The following MYT1L variants were observed in gnomAD, a reference collection of about 807,000 sequenced individuals.
MYT1L encodes the protein myelin transcription factor 1 like, also known as myelin transcription factor 1-like protein.
MYT1L carries 12 observed loss-of-function variants against 126.7 expected under a neutral mutation model. The ratio of observed to expected loss-of-function variants is 0.09; its 90% CI spans 0.06 to 0.15. The LOEUF (loss-of-function observed/expected upper bound fraction) is 0.15. Ranked by LOEUF, MYT1L falls within the 10% of genes least tolerant of loss-of-function variation. The pLI is 1.00. For missense variants in MYT1L, 979 were observed against 1,585.2 expected, an observed-to-expected ratio of 0.62 and a Z score of 6.49; for synonymous variants, 541 against 604.2, an observed-to-expected ratio of 0.90 and a Z score of 1.53.
At chr2:2,314,089 C>G (rs1178285391) in intron 1 of MYT1L, among the ~76,000 whole-genome samples, 1 of 152,144 alleles carries the variant, frequency 6.6e-6, no homozygotes, top group Non-Finnish European at 1.5e-5. Flanking sequence ...GATCAAGTAA[C>G]TCTTTAATCA....
chr2:1,904,111 G>A (rs2050723715), intron 13 of MYT1L, among the ~76,000 whole-genome samples: 1 of 152,134 alleles, frequency 6.6e-6, no homozygotes, highest in Non-Finnish European at 1.5e-5. Context: ...CTTCATAACC[G>A]TCAGACAAGA....
chr2:2,286,749 G>A (rs2095526347), intron 1 of MYT1L, among the ~76,000 whole-genome samples: 1 of 152,132 alleles, frequency 6.6e-6, no homozygotes, highest in Admixed American at 6.5e-5. Flanking sequence ...TCTACCTAAA[G>A]CACCAGGCAT....
At chr2:1,941,942 A>G (rs1181987459) in intron 9 of MYT1L, among the ~76,000 whole-genome samples, 1 of 152,172 alleles carries the variant, frequency 6.6e-6, no homozygotes, top group Non-Finnish European at 1.5e-5. Context: ...TGAGATTAGC[A>G]ACAAGCAACT....
chr2:1,797,869 CCCCA>C lies in MYT1L; in HGVS notation c.3276+3823_3276+3826del, dbSNP rs879610745. On this transcript the variant is annotated intron_variant, in intron 23 of 24. Transcript: ENST00000647738. ...ATCCGGCACAGGCGCGGCGGTCTCC[CCCCA>C]TCCGGCACAGGCGCGGCGGTCTCCC... Among the ~76,000 whole-genome samples, 1,308 of 148,678 alleles carry C rather than the reference CCCCA, an allele frequency of 8.8e-3. 104 individuals carry two copies. Among genetic ancestry groups the C allele is most frequent in the South Asian group, 0.026 (121 of 4,668 alleles).
intron 4 of MYT1L, among the ~76,000 whole-genome samples, chr2:2,013,770 A>C (rs1325723561): frequency 6.6e-6 from 1 of 152,240 alleles, no homozygotes; most frequent in East Asian, 1.9e-4. Flanking sequence ...GGTGGGCTCC[A>C]AGAAGGGGGA....
intron 5 of MYT1L, among the ~76,000 whole-genome samples, chr2:1,981,584 T>C (rs2060613219): frequency 6.6e-6 from 1 of 152,192 alleles, no homozygotes; most frequent in African/African-American, 2.4e-5. Flanking sequence ...CATCAGACGG[T>C]GCAGACGACG....
chr2:2,270,270 G>A (rs146547131), intron 2 of MYT1L, among the ~76,000 whole-genome samples: 70 of 152,320 alleles, frequency 4.6e-4, no homozygotes, highest in African/African-American at 1.5e-3. Flanking sequence ...TGTTTAAGCC[G>A]TCTGGTAGTT....
At chr2:2,026,716 T>A (rs1360772710) in intron 4 of MYT1L, among the ~76,000 whole-genome samples, 2 of 152,104 alleles carry the variant, frequency 1.3e-5, no homozygotes, top group Non-Finnish European at 2.9e-5. Flanking sequence ...ACAGGGAACC[T>A]CTCCGTCCAG....
chr2:1,923,649 T>A (rs1228342265), intron 9 of MYT1L, among the ~76,000 whole-genome samples: 1 of 152,264 alleles, frequency 6.6e-6, no homozygotes. Flanking sequence ...CTCCTCACAT[T>A]ACTAGGCTTT....
Position 2,102,604 on chromosome 2 carries a change from ATGTGTGTGTGTG to A in MYT1L, c.-303-48493_-303-48482del, listed in dbSNP as rs3047992. The stretch of plus-strand genomic sequence containing the variant: ...TCCATTTTGGCAATGCCTCTTGGGA[ATGTGTGTGTGTG>A]TGTGTGTGTGTGTGTGTGTGTGTGT... On this transcript the variant is annotated intron_variant, in intron 3 of 24. Transcript: ENST00000647738. Among the ~76,000 whole-genome samples the A allele has an allele frequency of 1.1e-3, 155 of 143,122 alleles. 1 individual carries two copies. Among genetic ancestry groups the A allele is most frequent in the Middle Eastern group, 3.6e-3 (1 of 278 alleles). 93.9% of individuals were successfully genotyped at this position (143,122 alleles called of 152,430 possible).
At chr2:2,185,197 TTAAAAA>T (rs1180472498) in intron 2 of MYT1L, among the ~76,000 whole-genome samples, 2 of 152,192 alleles carry the variant, frequency 1.3e-5, no homozygotes, top group East Asian at 1.9e-4. Flanking sequence ...AGGCCTAGAC[TTAAAAA>T]TAATAATAAT....
chr2:1,829,089 C>T (rs1390499402), intron 21 of MYT1L, among the ~76,000 whole-genome samples: 3 of 152,256 alleles, frequency 2.0e-5, no homozygotes, highest in Admixed American at 6.5e-5. Flanking sequence ...ATCCTCCCTG[C>T]ATCTACTGGC....
In MYT1L at chr2:2,301,627, G is replaced by A. The variant is rs375183567; in HGVS notation, c.-520-17124C>T. Among the ~76,000 whole-genome samples, 16 of 151,946 alleles carry A rather than the reference G, an allele frequency of 1.1e-4. No individual in the cohort carries two copies. In the South Asian group the frequency reaches 1.3e-3, roughly 12 times the overall value. On this transcript the variant is annotated intron_variant, in intron 1 of 24. Transcript: ENST00000647738. ...TAGGATCACTTGAGGCCAGGAGTTC[G>A]AGACCAGCCTGGGCATTATAGTGAG...
intron 4 of MYT1L, among the ~76,000 whole-genome samples, chr2:2,026,810 C>T (rs2065642734): frequency 1.3e-5 from 2 of 152,040 alleles, no homozygotes; most frequent in South Asian, 4.1e-4. Flanking sequence ...CTGGCATAGC[C>T]TTGTGCGGGG....
chr2:2,050,720 G>A (rs2068730370), intron 4 of MYT1L, among the ~76,000 whole-genome samples: 1 of 152,178 alleles, frequency 6.6e-6, no homozygotes, highest in Non-Finnish European at 1.5e-5. Context: ...GGGGAGCACT[G>A]CAGGGGAGGG....
intron 2 of MYT1L, among the ~76,000 whole-genome samples, chr2:2,204,485 T>C (rs1378725413): frequency 1.3e-5 from 2 of 148,714 alleles, no homozygotes; most frequent in Admixed American, 1.3e-4. Context: ...AGAAGACATT[T>C]ATGCAGCCAA....
rs919133410 is a variant in MYT1L at position 2,116,104 on chromosome 2, T to C, written c.-304+56768A>G. Reference sequence around the variant, plus strand: ...CCCGAATGACCATGGTTCCACTCGATGTTCAATGAACACGTTCTGTCCTCA... The same window carrying C: ...CCCGAATGACCATGGTTCCACTCGACGTTCAATGAACACGTTCTGTCCTCA... On this transcript the variant is annotated intron_variant, in intron 3 of 24. Coordinates refer to ENST00000647738, the MANE Select transcript of MYT1L (RefSeq NM_001303052.2). 3.3e-5 allele frequency among the ~76,000 whole-genome samples: 5 copies of C among 152,352 alleles called. No homozygotes were observed. In the South Asian group the frequency reaches 1.0e-3, roughly 32 times the overall value.
In MYT1L at chr2:1,811,693, C is replaced by A. The variant is rs1447983509; in HGVS notation, c.3081-2526G>T. 6.6e-6 allele frequency among the ~76,000 whole-genome samples: 1 copy of A among 152,296 alleles called. No individual in the cohort carries two copies. The highest frequency in any genetic ancestry group is 1.9e-4 in the East Asian group (1 of 5,174). On this transcript the variant is annotated intron_variant, in intron 21 of 24. Coordinates refer to ENST00000647738, the MANE Select transcript of MYT1L (RefSeq NM_001303052.2). The surrounding 1 kb of genome is among the most constrained non-coding windows in gnomAD (Gnocchi z 4.4). The stretch of plus-strand genomic sequence containing the variant: ...CTCACCCTGCCTGCTGCTGTTTACA[C>A]CGGAAATCCCTGTGCTACTCAAGCT...
intron 18 of MYT1L, among the ~76,000 whole-genome samples, chr2:1,865,778 A>G (rs2045384764): frequency 6.6e-6 from 1 of 152,012 alleles, no homozygotes; most frequent in South Asian, 2.1e-4. Flanking sequence ...TCAGTACACA[A>G]GGCGCGTGGT....
Sources: allele counts gnomAD v4.1 joint callset (sites outside exome capture counted in the v4.1 genomes callset), GRCh38; gene constraint gnomAD v4.1.1; non-coding constraint Gnocchi (gnomAD v3.1); transcripts MANE v1.5; gene names NCBI Gene and HGNC (gene_info 2026-07-23, HGNC 2026-07-21).